Variants in GPT observed in about 807,000 individuals in gnomAD.
The protein encoded by GPT is alanine aminotransferase 1.
A neutral mutation model predicts 51.4 loss-of-function variants in GPT; 60 were observed. The observed-to-expected ratio is 1.17, with a 90% CI of 0.95 to 1.45. The LOEUF (loss-of-function observed/expected upper bound fraction) is 1.45, where lower values mean the gene tolerates loss of function less well. Among genes scored for constraint, GPT ranks in the 40% most tolerant of loss-of-function variants. GPT has a pLI of 0.00. For missense variants in GPT, 853 were observed against 704.0 expected (o/e 1.21, Z -2.40); for synonymous variants, 397 against 303.1 (o/e 1.31, Z -3.22).
chr8:144,506,499 A>G lies in GPT; in HGVS notation c.1132-2A>G, dbSNP rs1284265498. On this transcript the variant is annotated splice_acceptor_variant, in intron 8 of 10. Coordinates refer to ENST00000394955, the MANE Select transcript of GPT (RefSeq NM_005309.3). LOFTEE classifies it high-confidence loss of function. This position sits in a 1 kb window ranked among gnomAD's most constrained non-coding sequence, Gnocchi z 7.0. Reference sequence around the variant, plus strand: ...TGATGGGCCCTCCCTCCGCGGCCACAGGAGAAGCAGGCAGTGCTGGCAGAG... The same window carrying G: ...TGATGGGCCCTCCCTCCGCGGCCACGGGAGAAGCAGGCAGTGCTGGCAGAG... 9 of 1,595,866 alleles carry G rather than the reference A, an allele frequency of 5.6e-6. No individual in the cohort carries two copies. Among genetic ancestry groups the G allele is most frequent in the Non-Finnish European group, 7.7e-6 (9 of 1,172,706 alleles).
At chr8:144,505,546 GCCCCGCCCCACT>G in intron 5 of GPT, 57 bp downstream of exon 5, 1 of 1,139,468 alleles carries the variant, frequency 8.8e-7, no homozygotes. Flanking sequence ...GTTCCCCGCC[GCCCCGCCCCACT>G]CCCCCCGCGC....
At chr8:144,503,709 A>C (rs183284546), upstream of GPT, 563 of 155,590 alleles carry the variant, frequency 3.6e-3, 2 homozygotes, top group African/African-American at 7.1e-3. Flanking sequence ...GGCTCAGTTA[A>C]TAGGAGACAG....
chr8:144,506,942 G>A lies in GPT; in HGVS notation c.1433G>A (p.Arg478Gln), dbSNP rs372684551. Residue 478 changes from arginine (R) to glutamine (Q), a missense_variant, in exon 11 of 11, where the codon CGG becomes CAG. By Grantham distance (43) the Arg-to-Gln change is conservative. Coordinates refer to ENST00000394955, the MANE Select transcript of GPT (RefSeq NM_005309.3). The surrounding 1 kb of genome is among the most constrained non-coding windows in gnomAD (Gnocchi z 7.0). ...ATTCTGCCCCCCTTGGAGAAACTGCGGCTGCTGCTGGAGAAGCTGAGCAGG... is the reference window on the plus strand; with the variant it reads ...ATTCTGCCCCCCTTGGAGAAACTGCAGCTGCTGCTGGAGAAGCTGAGCAGG... ...MTILPPLEKL[R>Q]LLLEKLSRFH... is the part of the protein sequence containing the mutation. 51 of 1,612,834 alleles carry A rather than the reference G, an allele frequency of 3.2e-5. No homozygotes were observed. In the African/African-American group the frequency reaches 3.6e-4, roughly 11 times the overall value.
upstream of GPT, among the ~76,000 whole-genome samples, chr8:144,503,543 C>T (rs1025747169): frequency 5.3e-5 from 8 of 152,076 alleles, no homozygotes; most frequent in African/African-American, 1.9e-4. Flanking sequence ...CCAGCCCCCT[C>T]CCCCAGCCCC....
rs1322881972 is a variant in GPT at position 144,504,883 on chromosome 8, A to C, written c.361+4A>C. Reference sequence around the variant, plus strand: ...GCGTGTGGGGGCCACAGTCTGGGTGAGAGCCAGGGCCAGGAGGAAGCAGAG... The same window carrying C: ...GCGTGTGGGGGCCACAGTCTGGGTGCGAGCCAGGGCCAGGAGGAAGCAGAG... On this transcript the variant is annotated splice_donor_region_variant and intron_variant, in intron 3 of 10. Transcript: ENST00000394955. 1 of 1,613,108 alleles carries C rather than the reference A, an allele frequency of 6.2e-7. No homozygotes were observed.
In GPT at chr8:144,506,514, T is replaced by C. The variant is rs976061797; in HGVS notation, c.1145T>C (p.Val382Ala). Residue 382 changes from valine (V) to alanine (A), a missense_variant, in exon 9 of 11, where the codon GTG (valine) becomes GCG (alanine). By Grantham distance (64) the Val-to-Ala change is moderately conservative. Transcript: ENST00000394955. The surrounding 1 kb of genome is among the most constrained non-coding windows in gnomAD (Gnocchi z 7.0). ...FAQFQAEKQAVLAELAAKAKL... is the reference protein window; with the variant it reads ...FAQFQAEKQAALAELAAKAKL... ...CCGCGGCCACAGGAGAAGCAGGCAG[T>C]GCTGGCAGAGCTGGCGGCCAAGGCC... The C allele has an allele frequency of 4.4e-6, 7 of 1,597,820 alleles. No individual in the cohort carries two copies. The highest frequency in any genetic ancestry group is 6.0e-6 in the Non-Finnish European group (7 of 1,173,666).
At position 144,505,307 on chromosome 8, in the gene GPT, T is replaced by TC; in HGVS notation, c.562dup (p.Gln188ProfsTer43). ...ACACGCACGGGTGTGCTCATCCCCA[T>TC]CCCCCAGTACCCACTCTACTCGGCC... is the stretch of plus-strand genomic sequence containing the variant. On this transcript the variant is annotated frameshift_variant, in exon 5 of 11. Transcript: ENST00000394955. LOFTEE classifies it high-confidence loss of function. The TC allele has an allele frequency of 6.4e-7, 1 of 1,571,206 alleles. No homozygotes were observed. Among genetic ancestry groups the TC allele is most frequent in the Non-Finnish European group, 8.6e-7 (1 of 1,158,678 alleles).
rs780721253 is a variant in GPT, at chr8:144,505,894, CTTCGAAGAGCGGCTCT to C, written c.790_805del (p.Glu264CysfsTer62). On this transcript the variant is annotated frameshift_variant, in exon 6 of 11. Transcript: ENST00000394955. LOFTEE classifies it high-confidence loss of function. ...GCATCGAGGCCGTGATCCGCTTCGC[CTTCGAAGAGCGGCTCT>C]TTCTGCTGGCGGACGAGGTGCGCGG... 1 of 1,592,772 alleles carries C rather than the reference CTTCGAAGAGCGGCTCT, an allele frequency of 6.3e-7. No homozygotes were observed.
At position 144,506,247 on chromosome 8, in the gene GPT, C is replaced by T. The variant is rs1368184040; in HGVS notation, c.972C>T (p.Gly324=). Residue 324 remains glycine (G), a synonymous_variant, in exon 8 of 11, where the codon GGC becomes GGT. Coordinates refer to ENST00000394955, the MANE Select transcript of GPT (RefSeq NM_005309.3). This position sits in a 1 kb window ranked among gnomAD's most constrained non-coding sequence, Gnocchi z 7.0. The part of the protein sequence containing the change: ...KGYMGECGFR[G]GYVEVVNMDA... ...CCGTGCGCAGGTGCGGGTTCCGCGG[C>T]GGCTATGTGGAGGTGGTGAACATGG... The T allele has an allele frequency of 1.2e-6, 2 of 1,606,862 alleles. No homozygotes were observed. The highest frequency in any genetic ancestry group is 1.3e-5 in the African/African-American group (1 of 75,018).
Position 144,504,301 on chromosome 8 carries a change from AG to A in GPT, c.-3del. ...CTGCCTTCCCGCCTGGTCTGGGTAG[AG>A]TCATGGCCTCGAGCACAGGTGACCG... On this transcript the variant is annotated 5_prime_UTR_variant, in exon 1 of 11. Coordinates refer to ENST00000394955, the MANE Select transcript of GPT (RefSeq NM_005309.3). 1 of 1,607,766 alleles carries A rather than the reference AG, an allele frequency of 6.2e-7. No homozygotes were observed. Among genetic ancestry groups the A allele is most frequent in the South Asian group, 1.1e-5 (1 of 91,042 alleles).
chr8:144,504,928 G>A (rs1355801504), intron 3 of GPT, 49 bp downstream of exon 3: 16 of 1,612,694 alleles, frequency 9.9e-6, no homozygotes, highest in Admixed American at 3.3e-5. Context: ...GCCACTGGAG[G>A]AGGGAAGTCC....
rs765105086 is a variant in GPT, at chr8:144,504,999, G to A, written c.363G>A (p.Gly121=). 10 of 1,613,050 alleles carry A rather than the reference G, an allele frequency of 6.2e-6. No homozygotes were observed. Among genetic ancestry groups the A allele is most frequent in the Admixed American group, 3.3e-5 (2 of 60,022 alleles). The change falls in exon 4 of 11, where the codon GGG becomes GGA. Residue 121 remains glycine, a splice_region_variant and synonymous_variant. Coordinates refer to ENST00000394955, the MANE Select transcript of GPT (RefSeq NM_005309.3). ...CCATCCTGTCCTGCCCGAGTCCAGG[G>A]GCCTACAGCGTCAGCTCCGGCATCC... ...ILQACGGHSL[G]AYSVSSGIQL...
At position 144,504,362 on chromosome 8, in the gene GPT, G is replaced by A. The variant is rs765144654; in HGVS notation, c.58G>A (p.Val20Met). 2.5e-6 allele frequency: 4 copies of A among 1,611,448 alleles called. No homozygotes were observed. The highest frequency in any genetic ancestry group is 2.2e-5 in the South Asian group (2 of 91,086). Residue 20 changes from valine to methionine, a missense_variant, in exon 1 of 11, where the codon GTG becomes ATG. Coordinates refer to ENST00000394955, the MANE Select transcript of GPT (RefSeq NM_005309.3). Reference protein sequence around the residue: ...QAVRHGLRAKVLTLDGMNPRV... With the variant: ...QAVRHGLRAKMLTLDGMNPRV... ...GGTGAGGCATGGACTGAGGGCGAAGGTGCTGACGCTGGACGGCATGAACCC... is the reference window on the plus strand; with the variant it reads ...GGTGAGGCATGGACTGAGGGCGAAGATGCTGACGCTGGACGGCATGAACCC...
chr8:144,503,891 G>A, upstream of GPT: 3 of 271,128 alleles, frequency 1.1e-5, no homozygotes, highest in South Asian at 7.8e-5. Context: ...GAGCACCCCA[G>A]GTGCTCAGCC....
Position 144,504,388 on chromosome 8 carries a change from G to A in GPT, c.84G>A (p.Pro28=), listed in dbSNP as rs151004055. 3.1e-4 allele frequency: 507 copies of A among 1,611,798 alleles called. 4 individuals carry two copies. Among genetic ancestry groups the A allele is most frequent in the African/African-American group, 1.3e-3 (100 of 75,072 alleles). The change falls in exon 1 of 11, where the codon CCG becomes CCA. Residue 28 remains proline (P), a synonymous_variant. Transcript: ENST00000394955. The part of the protein sequence containing the change: ...AKVLTLDGMN[P]RVRRVEYAVR... Reference sequence around the variant, plus strand: ...TGCTGACGCTGGACGGCATGAACCCGCGTGTGCGGAGAGTGGAGTACGCAG... The same window carrying A: ...TGCTGACGCTGGACGGCATGAACCCACGTGTGCGGAGAGTGGAGTACGCAG...
At position 144,506,757 on chromosome 8, in the gene GPT, C is replaced by A; in HGVS notation, c.1314C>A (p.Phe438Leu). 1 of 1,612,192 alleles carries A rather than the reference C, an allele frequency of 6.2e-7. No individual in the cohort carries two copies. The highest frequency in any genetic ancestry group is 8.5e-7 in the Non-Finnish European group (1 of 1,179,904). The change falls in exon 10 of 11, where the codon TTC (phenylalanine) becomes TTA (leucine). Residue 438 changes from phenylalanine to leucine, a missense_variant. Transcript: ENST00000394955. The surrounding 1 kb of genome is among the most constrained non-coding windows in gnomAD (Gnocchi z 7.0). The stretch of plus-strand genomic sequence containing the variant: ...AGCTGGGCCTGGCCCCCGATATGTT[C>A]TTCTGCCTGCGCCTCCTGGAGGAGA... ...AQELGLAPDMFFCLRLLEETG... is the reference protein window; with the variant it reads ...AQELGLAPDMLFCLRLLEETG...
At position 144,505,993 on chromosome 8, in the gene GPT, A is replaced by G. The variant is rs1421129241; in HGVS notation, c.820-2A>G. The G allele has an allele frequency of 1.7e-5, 28 of 1,612,344 alleles. No individual in the cohort carries two copies. Among genetic ancestry groups the G allele is most frequent in the Non-Finnish European group, 2.2e-5 (26 of 1,179,672 alleles). ...CCCCCGTGACGCCTTGCGCCCTTCC[A>G]GGTGTACCAGGACAACGTGTACGCC... On this transcript the variant is annotated splice_acceptor_variant, in intron 6 of 10. Coordinates refer to ENST00000394955, the MANE Select transcript of GPT (RefSeq NM_005309.3). LOFTEE classifies it high-confidence loss of function.
Position 144,506,979 on chromosome 8 carries a change from G to A in GPT, c.1470G>A (p.Lys490=), listed in dbSNP as rs530331385. ...AGAAGCTGAGCAGGTTCCATGCCAA[G>A]TTCACCCTCGAGTACTCCTGAGCAC... ...LLEKLSRFHA[K]FTLEYS The change falls in exon 11 of 11, where the codon AAG becomes AAA. Residue 490 remains lysine, a synonymous_variant. Coordinates refer to ENST00000394955, the MANE Select transcript of GPT (RefSeq NM_005309.3). The surrounding 1 kb of genome is among the most constrained non-coding windows in gnomAD (Gnocchi z 7.0). The A allele has an allele frequency of 1.6e-5, 26 of 1,612,458 alleles. No individual in the cohort carries two copies. In the South Asian group the frequency reaches 2.7e-4, roughly 17 times the overall value.
rs771282203 is a variant in GPT, at chr8:144,505,434, G to A, written c.684G>A (p.Ala228=). ...VAELHRALGQ[A]RDHCRPRALC... is the part of the protein sequence containing the mutation. ...AGCTTCACCGTGCACTGGGCCAGGC[G>A]CGTGACCACTGCCGCCCTCGTGCGC... Residue 228 remains alanine, a synonymous_variant, in exon 5 of 11, where the codon GCG becomes GCA. Coordinates refer to ENST00000394955, the MANE Select transcript of GPT (RefSeq NM_005309.3). The A allele has an allele frequency of 6.2e-7, 1 of 1,600,348 alleles. No homozygotes were observed. The highest frequency in any genetic ancestry group is 1.1e-5 in the South Asian group (1 of 88,718).
Sources: allele counts gnomAD v4.1 joint callset (sites outside exome capture counted in the v4.1 genomes callset), GRCh38; gene constraint gnomAD v4.1.1; non-coding constraint Gnocchi (gnomAD v3.1); transcripts MANE v1.5; gene names NCBI Gene and HGNC (gene_info 2026-07-23, HGNC 2026-07-21).